Variants in POU6F2 observed in about 807,000 individuals in gnomAD.
The protein encoded by POU6F2 is POU domain, class 6, transcription factor 2.
POU6F2 carries 31 observed loss-of-function variants against 71.3 expected under a neutral mutation model. The ratio of observed to expected loss-of-function variants is 0.43; its 90% CI spans 0.33 to 0.59. The LOEUF is 0.59. POU6F2 is among the 20% of genes least tolerant of loss of function. POU6F2 has a pLI of 0.04. For synonymous variants in POU6F2, 347 were observed against 355.7 expected (o/e 0.98, Z 0.27); for missense variants, 783 against 856.8 (o/e 0.91, Z 1.07).
rs866191338 is a variant in POU6F2, at chr7:39,297,041, G to A, written c.599-42601G>A. ...AAAATATATTTGAAAGCCTAGGTCT[G>A]TTTGTGCCTATGAGACAAAAGAGTT... On this transcript the variant is annotated intron_variant, in intron 4 of 9. Transcript: ENST00000518318. Among the ~76,000 whole-genome samples the A allele has an allele frequency of 2.6e-5, 4 of 152,290 alleles. No homozygotes were observed. The East Asian group carries it at 5.8e-4, about 22-fold the overall frequency.
intron 1 of POU6F2, among the ~76,000 whole-genome samples, chr7:39,063,420 G>A (rs1211142040): frequency 6.6e-6 from 1 of 152,130 alleles, no homozygotes; most frequent in Non-Finnish European, 1.5e-5. Flanking sequence ...GTGACAAATC[G>A]AAATTCACAT....
intron 5 of POU6F2, among the ~76,000 whole-genome samples, chr7:39,379,584 C>G (rs1030241669): frequency 2.6e-5 from 4 of 152,168 alleles, no homozygotes; most frequent in African/African-American, 9.7e-5. Flanking sequence ...ACTAAATGCC[C>G]TTTAGGTAAA....
At chr7:39,124,477 A>G (rs1792106618) in intron 2 of POU6F2, among the ~76,000 whole-genome samples, 2 of 152,352 alleles carry the variant, frequency 1.3e-5, no homozygotes, top group East Asian at 1.9e-4. Flanking sequence ...AACTTCCCAG[A>G]CGGTGGGAAG....
chr7:39,030,543 T>TATATATATATATATATATGTATAC lies in POU6F2; in HGVS notation c.105+52486_105+52487insTATATATATATATATATGTATACA, dbSNP rs1491146903. Among the ~76,000 whole-genome samples the TATATATATATATATATATGTATAC allele has an allele frequency of 4.0e-4, 35 of 88,004 alleles. 4 individuals carry two copies. The highest frequency in any genetic ancestry group is 1.4e-3 in the East Asian group (2 of 1,432). The allele number at this position is 88,004 out of a possible 152,430, so 57.7% of individuals were successfully genotyped here. On this transcript the variant is annotated intron_variant, in intron 1 of 9. Coordinates refer to ENST00000518318, the MANE Select transcript of POU6F2 (RefSeq NM_001370959.1). ...ATATATATATATATATATATATATA[T>TATATATATATATATATATGTATAC]ACACACACATACATATATTCCATTG...
intron 4 of POU6F2, among the ~76,000 whole-genome samples, chr7:39,306,185 A>T (rs747403836): frequency 1.3e-5 from 2 of 152,252 alleles, no homozygotes; most frequent in African/African-American, 2.4e-5. Context: ...GCCTGTCAGT[A>T]GCCAATAAAT....
At chr7:39,375,898 C>T (rs981406715) in intron 5 of POU6F2, among the ~76,000 whole-genome samples, 2 of 152,108 alleles carry the variant, frequency 1.3e-5, no homozygotes, top group African/African-American at 4.8e-5. Context: ...TCCCAAACCC[C>T]ATCCCTGCCC....
chr7:39,215,652 A>C (rs753717669), intron 4 of POU6F2, among the ~76,000 whole-genome samples: 1 of 152,332 alleles, frequency 6.6e-6, no homozygotes, highest in Non-Finnish European at 1.5e-5. Context: ...TCCTTAATGC[A>C]CATATACGCT....
chr7:39,210,586 G>C (rs1794121802), intron 4 of POU6F2, among the ~76,000 whole-genome samples: 1 of 152,086 alleles, frequency 6.6e-6, no homozygotes, highest in South Asian at 2.1e-4. Context: ...GTATTTTAAT[G>C]AGCACTCATG....
chr7:39,069,803 G>A (rs1790837891), intron 1 of POU6F2, among the ~76,000 whole-genome samples: 1 of 152,150 alleles, frequency 6.6e-6, no homozygotes, highest in East Asian at 1.9e-4. Context: ...ATTCATCTTT[G>A]TCCTCTTCAC....
intron 4 of POU6F2, among the ~76,000 whole-genome samples, chr7:39,212,400 C>T (rs533496887): frequency 6.6e-6 from 1 of 152,246 alleles, no homozygotes; most frequent in South Asian, 2.1e-4. Context: ...TGAACGAAGA[C>T]CTTGGAAGCT....
chr7:39,334,402 G>A (rs553816647), intron 4 of POU6F2, among the ~76,000 whole-genome samples: 12 of 151,946 alleles, frequency 7.9e-5, no homozygotes, highest in African/African-American at 2.4e-4. Context: ...GGAGTACAAT[G>A]TTCAATATTT....
chr7:39,464,498 A>G lies in POU6F2; in HGVS notation c.1975A>G (p.Thr659Ala). The change falls in exon 10 of 10, where the codon ACA becomes GCA. Residue 659 changes from threonine to alanine, a missense_variant. Around this residue, in one of 2 missense-constraint regions of POU6F2, gnomAD observed 211 missense variants for 283.9 expected, o/e 0.74. Transcript: ENST00000518318. This position sits in a 1 kb window ranked among gnomAD's most constrained non-coding sequence, Gnocchi z 4.1. ...EILNAHFEKN[T>A]HPSGQEMTEI... is the part of the protein sequence containing the mutation. ...CCTCAATGCCCACTTTGAGAAGAAC[A>G]CACACCCTTCTGGGCAGGAAATGAC... 6.2e-7 allele frequency: 1 copy of G among 1,613,832 alleles called. No homozygotes were observed. Among genetic ancestry groups the G allele is most frequent in the Non-Finnish European group, 8.5e-7 (1 of 1,179,826 alleles).
intron 1 of POU6F2, among the ~76,000 whole-genome samples, chr7:39,053,748 G>A (rs1172559575): frequency 6.6e-6 from 1 of 151,876 alleles, no homozygotes; most frequent in African/African-American, 2.4e-5. Context: ...TCGCTTTGAA[G>A]TACTAACATG....
intron 1 of POU6F2, among the ~76,000 whole-genome samples, chr7:39,029,141 A>C (rs1182120475): frequency 6.6e-6 from 1 of 152,002 alleles, no homozygotes; most frequent in African/African-American, 2.4e-5. Context: ...TTTTAACACA[A>C]ATTTTTCAAC....
intron 4 of POU6F2, among the ~76,000 whole-genome samples, chr7:39,230,023 A>G (rs1048625824): frequency 1.9e-4 from 29 of 152,260 alleles, no homozygotes; most frequent in African/African-American, 6.8e-4. Context: ...TGCGATTAAG[A>G]GATTTTTCCA....
At chr7:39,318,636 AC>A (rs1272601824) in intron 4 of POU6F2, among the ~76,000 whole-genome samples, 3 of 152,184 alleles carry the variant, frequency 2.0e-5, no homozygotes, top group African/African-American at 7.2e-5. Flanking sequence ...TAGGAAAAAA[AC>A]AAAGCAAGGC....
At chr7:39,276,109 A>AC (rs1784433272) in intron 4 of POU6F2, among the ~76,000 whole-genome samples, 1 of 152,188 alleles carries the variant, frequency 6.6e-6, no homozygotes, top group African/African-American at 2.4e-5. Flanking sequence ...ATCAGAGTGA[A>AC]CAGGCAACCA....
intron 4 of POU6F2, among the ~76,000 whole-genome samples, chr7:39,220,452 G>C (rs758159170): frequency 2.2e-4 from 33 of 152,128 alleles, no homozygotes; most frequent in Non-Finnish European, 4.3e-4. Flanking sequence ...GGAAAAAGAG[G>C]GGTGTACTTG....
rs1789096569 is a variant in POU6F2 at position 39,467,401 on chromosome 7, A to G, written c.*2715A>G. 6.6e-6 allele frequency: 1 copy of G among 152,210 alleles called. No individual in the cohort carries two copies. Among genetic ancestry groups the G allele is most frequent in the African/African-American group, 2.4e-5 (1 of 41,464 alleles). 9.4% of individuals were successfully genotyped at this position (152,210 alleles called of 1,614,324 possible). A position where few individuals can be genotyped will look rare whatever the true frequency, so the allele number is the denominator to read the frequency against. On this transcript the variant is annotated 3_prime_UTR_variant, in exon 10 of 10. Transcript: ENST00000518318. ...CTCATGTCTACTTGTAAACAACTTC[A>G]TATGCCAATGGCGTTTAAGTGTCTT...
Sources: allele counts gnomAD v4.1 joint callset (sites outside exome capture counted in the v4.1 genomes callset), GRCh38; gene constraint gnomAD v4.1.1; regional missense constraint gnomAD v4.1.1; non-coding constraint Gnocchi (gnomAD v3.1); transcripts MANE v1.5; gene names NCBI Gene and HGNC (gene_info 2026-07-23, HGNC 2026-07-21).